CATSPERB: variants seen among roughly 807,000 people sequenced by gnomAD.
CATSPERB encodes the protein catsper channel auxiliary subunit beta, also known as cation channel sperm-associated auxiliary subunit beta.
CATSPERB carries 93 observed loss-of-function variants against 128.3 expected under a neutral mutation model. The observed-to-expected ratio is 0.72, with a 90% CI of 0.61 to 0.86. The LOEUF is 0.86. Ranked by LOEUF, CATSPERB falls within the 40% of genes least tolerant of loss-of-function variation. The pLI, the probability that CATSPERB is intolerant of heterozygous loss-of-function variation, is 0.00. For synonymous variants in CATSPERB, 381 were observed against 448.8 expected (o/e 0.85, Z 1.91); for missense variants, 1,153 against 1,329.5 (o/e 0.87, Z 2.06).
rs906394620 is a variant in CATSPERB, at chr14:91,639,229, A to T, written c.1454T>A (p.Val485Asp). 6.8e-6 allele frequency: 11 copies of T among 1,613,604 alleles called. No homozygotes were observed. The highest frequency in any genetic ancestry group is 8.5e-6 in the Non-Finnish European group (10 of 1,179,754). Residue 485 changes from valine (V) to aspartate (D), a missense_variant, in exon 16 of 27, where the codon GTC becomes GAC. Physicochemically the swap from Val to Asp is radical, Grantham distance 152. Coordinates refer to ENST00000256343, the MANE Select transcript of CATSPERB (RefSeq NM_024764.4). ...GAAAATTCTCTCAGTAACACTTCCGACTGCACTGTATCTTCCCATTCCTAT... is the reference window on the plus strand; with the variant it reads ...GAAAATTCTCTCAGTAACACTTCCGTCTGCACTGTATCTTCCCATTCCTAT... The part of the protein sequence containing the change: ...TKAGMGRYSA[V>D]GSVTERIFTL...
At chr14:91,661,291 G>A (rs1269248260) in intron 14 of CATSPERB, among the ~76,000 whole-genome samples, 1 of 152,002 alleles carries the variant, frequency 6.6e-6, no homozygotes, top group Non-Finnish European at 1.5e-5. Flanking sequence ...GTTAGCTCAT[G>A]TGGATCAGCA....
chr14:91,689,292 C>T (rs1007972419), intron 10 of CATSPERB, among the ~76,000 whole-genome samples: 6 of 152,208 alleles, frequency 3.9e-5, no homozygotes, highest in African/African-American at 1.2e-4. Flanking sequence ...CTCTACTCCC[C>T]GCTCTGTGTT....
chr14:91,619,196 A>G (rs767134612), intron 19 of CATSPERB, among the ~76,000 whole-genome samples: 1 of 152,232 alleles, frequency 6.6e-6, no homozygotes, highest in Non-Finnish European at 1.5e-5. Flanking sequence ...TAAATTGTAT[A>G]CTAAGATAAA....
At chr14:91,725,462 C>T (rs928173642) in intron 2 of CATSPERB, among the ~76,000 whole-genome samples, 1 of 152,188 alleles carries the variant, frequency 6.6e-6, no homozygotes, top group Non-Finnish European at 1.5e-5. Context: ...TTCAACGCCT[C>T]ACCTTGAGGG....
chr14:91,612,021 T>TTTCTTTCC (rs1893838894), intron 20 of CATSPERB, among the ~76,000 whole-genome samples: 1 of 72,860 alleles, frequency 1.4e-5, no homozygotes, highest in Non-Finnish European at 3.2e-5. Flanking sequence ...GTTTTCTTTC[T>TTTCTTTCC]TTCTTTCTTT....
At chr14:91,619,595 ATCT>A (rs1894005781) in intron 19 of CATSPERB, among the ~76,000 whole-genome samples, 2 of 143,938 alleles carry the variant, frequency 1.4e-5, no homozygotes, top group Admixed American at 1.4e-4. Flanking sequence ...TGGTTCCTAT[ATCT>A]TCTTTTACTC....
intron 20 of CATSPERB, among the ~76,000 whole-genome samples, chr14:91,611,169 A>G (rs1475657774): frequency 6.6e-6 from 1 of 152,242 alleles, no homozygotes; most frequent in African/African-American, 2.4e-5. Flanking sequence ...AAAGAAATAC[A>G]AAAAGACATG....
intron 13 of CATSPERB, among the ~76,000 whole-genome samples, chr14:91,671,578 G>T (rs544028865): frequency 6.7e-6 from 1 of 149,394 alleles, no homozygotes; most frequent in Non-Finnish European, 1.5e-5. Flanking sequence ...GCAGCAGAGC[G>T]AGACCCCATC....
At chr14:91,614,544 G>A (rs1228723311) in intron 20 of CATSPERB, among the ~76,000 whole-genome samples, 1 of 152,106 alleles carries the variant, frequency 6.6e-6, no homozygotes, top group African/African-American at 2.4e-5. Flanking sequence ...TTTAGTCCCA[G>A]CTACCAGGGA....
chr14:91,626,094 C>T (rs1400809703), intron 17 of CATSPERB, among the ~76,000 whole-genome samples: 1 of 152,036 alleles, frequency 6.6e-6, no homozygotes, highest in Admixed American at 6.5e-5. Flanking sequence ...CACTGCACTC[C>T]AGCGTGGGTG....
chr14:91,615,580 A>G (rs1159917304), intron 20 of CATSPERB, among the ~76,000 whole-genome samples: 1 of 152,254 alleles, frequency 6.6e-6, no homozygotes, highest in Non-Finnish European at 1.5e-5. Context: ...TATTTCACTT[A>G]GCATAATGTT....
chr14:91,697,232 G>A (rs1895577745), intron 7 of CATSPERB, among the ~76,000 whole-genome samples: 1 of 152,172 alleles, frequency 6.6e-6, no homozygotes, highest in Non-Finnish European at 1.5e-5. Context: ...TGGTTTTAGA[G>A]TTGGGGTTGG....
intron 17 of CATSPERB, among the ~76,000 whole-genome samples, chr14:91,634,852 C>T: frequency 1.3e-5 from 2 of 149,552 alleles, no homozygotes; most frequent in Admixed American, 6.7e-5. Flanking sequence ...GAATAGAGTC[C>T]ACCACTTGGA....
At chr14:91,617,812 G>T in intron 19 of CATSPERB, 76 bp from the exon 20 acceptor site, 1 of 1,052,700 alleles carries the variant, frequency 9.5e-7, no homozygotes, top group Non-Finnish European at 1.4e-6. Flanking sequence ...TGGCTAATCA[G>T]ATTTTAGAAC....
intron 7 of CATSPERB, among the ~76,000 whole-genome samples, chr14:91,703,081 A>AT (rs952543225): frequency 1.3e-5 from 2 of 151,680 alleles, no homozygotes; most frequent in African/African-American, 4.8e-5. Flanking sequence ...ATCTTTTTGG[A>AT]TTTTTTTGTA....
intron 14 of CATSPERB, 65 bp downstream of exon 14, chr14:91,669,749 C>A: frequency 6.8e-7 from 1 of 1,460,202 alleles, no homozygotes; most frequent in South Asian, 1.4e-5. Flanking sequence ...TAATGTACAG[C>A]CATGCAGCAT....
At chr14:91,665,520 T>C (rs1377937717) in intron 14 of CATSPERB, among the ~76,000 whole-genome samples, 1 of 152,182 alleles carries the variant, frequency 6.6e-6, no homozygotes, top group Non-Finnish European at 1.5e-5. Flanking sequence ...ATGCAAATTG[T>C]GTTCCTCTTA....
chr14:91,718,262 C>T (rs1045825463), intron 5 of CATSPERB, among the ~76,000 whole-genome samples: 5 of 152,064 alleles, frequency 3.3e-5, no homozygotes, highest in African/African-American at 4.8e-5. Context: ...ATTTGAAAAA[C>T]GTTGAATAAA....
intron 21 of CATSPERB, 149 bp downstream of exon 21, chr14:91,610,331 A>G (rs1893800469): frequency 1.6e-6 from 1 of 627,458 alleles, no homozygotes; most frequent in Non-Finnish European, 2.7e-6. Flanking sequence ...AAATCATCAC[A>G]TCCTCAAAAT....
Sources: allele counts gnomAD v4.1 joint callset (sites outside exome capture counted in the v4.1 genomes callset), GRCh38; gene constraint gnomAD v4.1.1; transcripts MANE v1.5; gene names NCBI Gene and HGNC (gene_info 2026-07-23, HGNC 2026-07-21).